TNS1: variants seen among roughly 807,000 people sequenced by gnomAD.
TNS1 encodes tensin 1.
TNS1 carries 62 observed loss-of-function variants against 168.6 expected under a neutral mutation model. That is an observed-to-expected ratio of 0.37 (90% confidence interval 0.30 to 0.45). The LOEUF (loss-of-function observed/expected upper bound fraction) is 0.45. TNS1 is among the 20% of genes least tolerant of loss of function. TNS1 has a pLI of 1.00. For missense variants in TNS1, 2,240 were observed against 2,339.4 expected (o/e 0.96, Z 0.88); for synonymous variants, 934 against 933.2 (o/e 1.00, Z -0.02).
chr2:217,816,270 G>A (rs1371408538), intron 24 of TNS1, among the ~76,000 whole-genome samples: 2 of 152,152 alleles, frequency 1.3e-5, no homozygotes, highest in Non-Finnish European at 2.9e-5. Context: ...ACACAAAAAG[G>A]GAGGGAGAAC....
intron 2 of TNS1, among the ~76,000 whole-genome samples, chr2:217,988,997 A>G (rs573275391): frequency 6.6e-6 from 1 of 152,198 alleles, no homozygotes; most frequent in East Asian, 1.9e-4. Context: ...GGACTTTGAC[A>G]TGGAGGGAGG....
At chr2:217,919,592 G>T (rs1428991453) in intron 4 of TNS1, among the ~76,000 whole-genome samples, 1 of 152,234 alleles carries the variant, frequency 6.6e-6, no homozygotes, top group African/African-American at 2.4e-5. Context: ...TGCCAAATCA[G>T]CCCAGCTGGC....
At chr2:217,942,410 C>A (rs541859821) in intron 3 of TNS1, among the ~76,000 whole-genome samples, 1 of 152,220 alleles carries the variant, frequency 6.6e-6, no homozygotes, top group African/African-American at 2.4e-5. Flanking sequence ...GTCTCTCCCC[C>A]CAACCTCTCC....
intron 3 of TNS1, among the ~76,000 whole-genome samples, chr2:217,976,032 G>T (rs1316344087): frequency 2.0e-5 from 3 of 152,102 alleles, no homozygotes; most frequent in East Asian, 3.9e-4. Context: ...CAGGGCCTTT[G>T]CACCTGCTCT....
At chr2:217,938,955 A>G (rs1315914370) in intron 3 of TNS1, among the ~76,000 whole-genome samples, 3 of 152,080 alleles carry the variant, frequency 2.0e-5, no homozygotes. Flanking sequence ...TGACACCAGC[A>G]TCTTCTCCAC....
At chr2:217,886,689 C>G (rs1404757054) in intron 12 of TNS1, 43 bp from the exon 13 acceptor site, 1 of 1,393,890 alleles carries the variant, frequency 7.2e-7, no homozygotes, top group Admixed American at 2.0e-5. Flanking sequence ...GAGGTGGGTA[C>G]TGGTGCAGTA....
chr2:217,883,566 T>C (rs1378020729), intron 16 of TNS1, among the ~76,000 whole-genome samples: 1 of 152,216 alleles, frequency 6.6e-6, no homozygotes, highest in Non-Finnish European at 1.5e-5. Context: ...TGCCTGGCCA[T>C]GCCTCTATTT....
chr2:217,982,077 G>A (rs1958065449), intron 2 of TNS1, among the ~76,000 whole-genome samples: 2 of 152,162 alleles, frequency 1.3e-5, no homozygotes, highest in South Asian at 4.1e-4. Context: ...TTCAGCCTTG[G>A]TCTCTTGGAT....
chr2:217,988,308 C>G (rs1958253555), intron 2 of TNS1, among the ~76,000 whole-genome samples: 1 of 152,210 alleles, frequency 6.6e-6, no homozygotes, highest in African/African-American at 2.4e-5. Context: ...GCCTTCTGTT[C>G]ACATGGGGTC....
At chr2:217,994,272 T>C (rs1402922991) in intron 1 of TNS1, among the ~76,000 whole-genome samples, 1 of 152,096 alleles carries the variant, frequency 6.6e-6, no homozygotes, top group East Asian at 1.9e-4. Flanking sequence ...CTTGGGGGAC[T>C]TCCCTTAGAT....
intron 6 of TNS1, among the ~76,000 whole-genome samples, chr2:217,901,355 T>G (rs1432719740): frequency 1.3e-5 from 2 of 152,234 alleles, no homozygotes; most frequent in African/African-American, 4.8e-5. Flanking sequence ...AAAGGAGTTA[T>G]GCATATAAGG....
chr2:217,925,231 G>T (rs1329687705), intron 3 of TNS1, among the ~76,000 whole-genome samples: 1 of 151,802 alleles, frequency 6.6e-6, no homozygotes, highest in African/African-American at 2.4e-5. Flanking sequence ...TTTTGTGCGT[G>T]TGGCCTGTGG....
At chr2:217,884,715 G>T (rs1413239055) in intron 16 of TNS1, among the ~76,000 whole-genome samples, 4 of 151,798 alleles carry the variant, frequency 2.6e-5, no homozygotes, top group Non-Finnish European at 1.5e-5. Flanking sequence ...AAAAAAAAAT[G>T]ATTGTCAGTA....
intron 22 of TNS1, among the ~76,000 whole-genome samples, chr2:217,822,156 G>T: frequency 6.6e-6 from 1 of 152,090 alleles, no homozygotes. Flanking sequence ...CCCTGAAATG[G>T]ATCCCAGGCC....
chr2:217,822,526 C>T (rs1474101897), intron 22 of TNS1, among the ~76,000 whole-genome samples: 1 of 152,252 alleles, frequency 6.6e-6, no homozygotes, highest in African/African-American at 2.4e-5. Flanking sequence ...CTCTGCCTGA[C>T]ACACTCAGCA....
intron 2 of TNS1, among the ~76,000 whole-genome samples, chr2:217,990,091 G>A (rs112040156): frequency 0.11 from 5,863 of 53,234 alleles, 402 homozygotes; most frequent in African/African-American, 0.28. Context: ...CACCAGCCAC[G>A]GACCCTCAAC....
chr2:217,805,546 C>CTACGCA (rs1938615176), intron 32 of TNS1, among the ~76,000 whole-genome samples: 5 of 1,806 alleles, frequency 2.8e-3, no homozygotes, highest in Admixed American at 7.6e-3. Flanking sequence ...ACACACACCA[C>CTACGCA]CACACACCAC....
chr2:217,854,715 A>G (rs182134334), intron 18 of TNS1, among the ~76,000 whole-genome samples: 2 of 152,252 alleles, frequency 1.3e-5, no homozygotes, highest in African/African-American at 4.8e-5. Context: ...TTCTGGTTGC[A>G]TTTTCCCTTA....
intron 1 of TNS1, among the ~76,000 whole-genome samples, chr2:218,020,076 C>A (rs887237599): frequency 2.0e-5 from 3 of 152,146 alleles, no homozygotes; most frequent in Non-Finnish European, 4.4e-5. Context: ...CTTAAGCCCC[C>A]ACTAAAACAA....
Sources: allele counts gnomAD v4.1 joint callset (sites outside exome capture counted in the v4.1 genomes callset), GRCh38; gene constraint gnomAD v4.1.1; transcripts MANE v1.5; gene names NCBI Gene and HGNC (gene_info 2026-07-23, HGNC 2026-07-21).